The following NCK1 variants were observed in gnomAD, a reference collection of about 807,000 sequenced individuals.
NCK1 encodes NCK adaptor protein 1.
In NCK1, 19 loss-of-function variants were observed where a neutral mutation model predicts 36.6. That is an observed-to-expected ratio of 0.52 (90% CI 0.36 to 0.76). NCK1 has a LOEUF of 0.76. Among genes scored for constraint, NCK1 ranks in the 30% least tolerant of loss-of-function variants. The probability of loss-of-function intolerance (pLI) is 0.00; values close to 1 mark genes in which losing one functional copy is unlikely to be tolerated. For missense variants in NCK1, 358 were observed against 445.6 expected, an observed-to-expected ratio of 0.80 and a Z score of 1.77; for synonymous variants, 165 against 156.0, an observed-to-expected ratio of 1.06 and a Z score of -0.43.
intron 3 of NCK1, among the ~76,000 whole-genome samples, chr3:136,947,456 T>C (rs1940859726): frequency 6.6e-6 from 1 of 152,192 alleles, no homozygotes; most frequent in Non-Finnish European, 1.5e-5. Context: ...GTATACTTTT[T>C]AAGGTTAGAG....
At position 136,950,194 on chromosome 3, in the gene NCK1, T is replaced by C. The variant is rs1195798977; in HGVS notation, c.*1741T>C. 1.3e-5 allele frequency among the ~76,000 whole-genome samples: 2 copies of C among 152,138 alleles called. No individual in the cohort carries two copies. The highest frequency in any genetic ancestry group is 1.5e-5 in the Non-Finnish European group (1 of 67,978). On this transcript the variant is annotated 3_prime_UTR_variant, in exon 4 of 4. Coordinates refer to ENST00000481752, the MANE Select transcript of NCK1 (RefSeq NM_001291999.2). ...AAACATCATCTTAATTTTTAACATA[T>C]ATTTGATGATGCTTTCCTTTTCTCT... is the stretch of plus-strand genomic sequence containing the variant.
chr3:136,902,198 T>TTTTTTTTG (rs1939561830), intron 1 of NCK1, among the ~76,000 whole-genome samples: 22 of 131,428 alleles, frequency 1.7e-4, no homozygotes, highest in South Asian at 4.8e-4. Context: ...TTTTTTTTTT[T>TTTTTTTTG]TTTTGTTTTT....
intron 2 of NCK1, chr3:136,930,537 C>A: frequency 6.9e-7 from 1 of 1,448,548 alleles, no homozygotes; most frequent in Non-Finnish European, 9.1e-7. Context: ...AACAAACTGA[C>A]AGAACACAGA....
chr3:136,876,604 A>G (rs979943333), intron 1 of NCK1, among the ~76,000 whole-genome samples: 6 of 151,444 alleles, frequency 4.0e-5, no homozygotes, highest in African/African-American at 1.2e-4. Context: ...AACTTTGCCT[A>G]TTTTGTCTCT....
chr3:136,883,936 TAGA>T (rs1464182220), intron 1 of NCK1, among the ~76,000 whole-genome samples: 43 of 152,220 alleles, frequency 2.8e-4, no homozygotes, highest in Non-Finnish European at 2.9e-5. Context: ...GTAAAGAGGA[TAGA>T]AGAGCTGGAT....
chr3:136,905,909 G>T (rs1305698601), intron 1 of NCK1, among the ~76,000 whole-genome samples: 1 of 152,126 alleles, frequency 6.6e-6, no homozygotes, highest in Non-Finnish European at 1.5e-5. Context: ...ACAAGTCTGA[G>T]CTACTGCACC....
rs554146918 is a variant in NCK1 at position 136,914,245 on chromosome 3, G to T, written c.-18-13739G>T. 4.2e-3 allele frequency among the ~76,000 whole-genome samples: 642 copies of T among 152,266 alleles called. 3 individuals carry two copies. Among genetic ancestry groups the T allele is most frequent in the Non-Finnish European group, 5.6e-3 (382 of 68,016 alleles). ...TGATAGTTGGAGGACAGGTCTTATT[G>T]CCCGAAAGCTGTGGAACACATGCGT... On this transcript the variant is annotated intron_variant, in intron 1 of 3. Transcript: ENST00000481752.
chr3:136,863,303 C>G (rs1247734352), intron 1 of NCK1, among the ~76,000 whole-genome samples: 6 of 152,184 alleles, frequency 3.9e-5, no homozygotes, highest in Non-Finnish European at 4.4e-5. Flanking sequence ...TAAAATTTTA[C>G]TTTGATAGAC....
chr3:136,907,340 A>C (rs1177467781), intron 1 of NCK1, among the ~76,000 whole-genome samples: 1 of 152,106 alleles, frequency 6.6e-6, no homozygotes, highest in Non-Finnish European at 1.5e-5. Flanking sequence ...GTTCCCGGGC[A>C]TGACAAAGTC....
chr3:136,865,260 T>G (rs535668775), intron 1 of NCK1, among the ~76,000 whole-genome samples: 53 of 152,300 alleles, frequency 3.5e-4, no homozygotes, highest in Non-Finnish European at 6.6e-4. Flanking sequence ...CCGGCCTGTA[T>G]TTTTAGTAGA....
intron 1 of NCK1, among the ~76,000 whole-genome samples, chr3:136,871,361 G>A (rs1482037813): frequency 6.6e-6 from 1 of 152,100 alleles, no homozygotes. Flanking sequence ...TCGCGCCACT[G>A]TACTCTAGCT....
chr3:136,868,959 C>G (rs561110651), intron 1 of NCK1, among the ~76,000 whole-genome samples: 1 of 152,046 alleles, frequency 6.6e-6, no homozygotes, highest in South Asian at 2.1e-4. Context: ...TTGTTGAGGC[C>G]GGGCGCGGTG....
chr3:136,928,216 A>T lies in NCK1; in HGVS notation c.215A>T (p.Lys72Met). The T allele has an allele frequency of 6.2e-7, 1 of 1,608,006 alleles. No individual in the cohort carries two copies. The highest frequency in any genetic ancestry group is 8.5e-7 in the Non-Finnish European group (1 of 1,178,098). Residue 72 changes from lysine (K) to methionine (M), a missense_variant, in exon 2 of 4, where the codon AAG becomes ATG. Physicochemically the swap from Lys to Met is moderately conservative, Grantham distance 95. Coordinates refer to ENST00000481752, the MANE Select transcript of NCK1 (RefSeq NM_001291999.2). ...AAAGCATCTATTGTGAAAAACCTAA[A>T]GGATACCTTAGGTAAGATATTTTTT... is the stretch of plus-strand genomic sequence containing the variant. ...ARKASIVKNL[K>M]DTLGIGKVKR...
intron 1 of NCK1, among the ~76,000 whole-genome samples, chr3:136,883,735 T>A (rs1939005526): frequency 1.3e-5 from 2 of 152,194 alleles, no homozygotes; most frequent in South Asian, 4.1e-4. Context: ...AGTTGAATTT[T>A]AACCAAGGGC....
intron 2 of NCK1, among the ~76,000 whole-genome samples, chr3:136,941,257 C>T (rs1169705054): frequency 6.6e-6 from 1 of 151,582 alleles, no homozygotes; most frequent in African/African-American, 2.4e-5. Flanking sequence ...TCTCGAGTAG[C>T]TGGGACTACA....
chr3:136,937,189 T>C (rs1178735051), intron 2 of NCK1, among the ~76,000 whole-genome samples: 3 of 152,196 alleles, frequency 2.0e-5, no homozygotes, highest in African/African-American at 4.8e-5. Flanking sequence ...AGATATCCAT[T>C]TGTTCCAGTA....
chr3:136,899,421 T>TC (rs1197384057), intron 1 of NCK1: 5 of 271,518 alleles, frequency 1.8e-5, no homozygotes, highest in Non-Finnish European at 3.0e-5. Context: ...TTTCTTTTCT[T>TC]TTTTTTTTTT....
In NCK1 at chr3:136,948,273, A is replaced by G; in HGVS notation, c.954A>G (p.Ser318=). ...RDSESSPNDF[S]VSLKAQGKNK... The stretch of plus-strand genomic sequence containing the variant: ...TTCTCTTTTAGCCAAATGATTTCTC[A>G]GTATCACTAAAAGCACAAGGGAAAA... The change falls in exon 4 of 4, where the codon TCA becomes TCG. Residue 318 remains serine, a synonymous_variant. Transcript: ENST00000481752. The G allele has an allele frequency of 1.3e-6, 2 of 1,592,808 alleles. No individual in the cohort carries two copies. The highest frequency in any genetic ancestry group is 1.7e-6 in the Non-Finnish European group (2 of 1,171,792).
At chr3:136,920,888 G>A (rs1262492604) in intron 1 of NCK1, among the ~76,000 whole-genome samples, 2 of 152,106 alleles carry the variant, frequency 1.3e-5, no homozygotes, top group South Asian at 2.1e-4. Flanking sequence ...ATAGTTGATT[G>A]TAATCATATT....
Sources: allele counts gnomAD v4.1 joint callset (sites outside exome capture counted in the v4.1 genomes callset), GRCh38; gene constraint gnomAD v4.1.1; transcripts MANE v1.5; gene names NCBI Gene and HGNC (gene_info 2026-07-23, HGNC 2026-07-21).